NXPE2: variants seen among roughly 807,000 people sequenced by gnomAD.
NXPE2 encodes NXPE family member 2.
In NXPE2, 34 loss-of-function variants were observed where a neutral mutation model predicts 34.4. The ratio of observed to expected loss-of-function variants is 0.99; its 90% CI spans 0.75 to 1.31. The LOEUF (loss-of-function observed/expected upper bound fraction) is 1.31. Ranked by LOEUF, NXPE2 falls within the 40% of genes most tolerant of loss-of-function variation. The pLI is 0.00. For missense variants in NXPE2, 649 were observed against 672.5 expected, an observed-to-expected ratio of 0.97 and a Z score of 0.39; for synonymous variants, 235 against 231.3, an observed-to-expected ratio of 1.02 and a Z score of -0.15.
At chr11:114,610,679 G>A in the NXPE2 span, among the ~76,000 whole-genome samples, 19 of 151,560 alleles carry the variant, frequency 1.3e-4, no homozygotes, top group South Asian at 2.1e-4. Flanking sequence ...ATGTTGCCTC[G>A]TGGTTAACCA....
chr11:114,493,839 C>CT, the NXPE2 span, among the ~76,000 whole-genome samples: 4 of 151,834 alleles, frequency 2.6e-5, no homozygotes, highest in Admixed American at 6.6e-5. Context: ...CATTTACCCC[C>CT]TTTTTTTTCC....
chr11:114,521,846 C>T, the NXPE2 span: 4 of 758,246 alleles, frequency 5.3e-6, no homozygotes, highest in South Asian at 5.9e-5. Context: ...AGCCTTCCTC[C>T]CCAAACAGAT....
chr11:114,775,343 A>G, the NXPE2 span, among the ~76,000 whole-genome samples: 188 of 152,294 alleles, frequency 1.2e-3, 2 homozygotes, highest in African/African-American at 4.4e-3. Flanking sequence ...GGCCCTGAAT[A>G]GCTTTTGTTA....
chr11:114,618,031 C>T, the NXPE2 span, among the ~76,000 whole-genome samples: 238 of 152,174 alleles, frequency 1.6e-3, no homozygotes, highest in African/African-American at 4.2e-3. Context: ...TAAGTGTTGC[C>T]TCGTGGGTAA....
chr11:114,794,235 C>T, the NXPE2 span, among the ~76,000 whole-genome samples: 1 of 149,334 alleles, frequency 6.7e-6, no homozygotes, highest in African/African-American at 2.4e-5. Context: ...TCAGCAGTTA[C>T]CAAAAACTTT....
At position 114,698,788 on chromosome 11, in the gene NXPE2, CT is replaced by C; in HGVS notation, c.866+14del. On this transcript the variant is annotated intron_variant, in intron 3 of 5. Transcript: ENST00000389586. The stretch of plus-strand genomic sequence containing the variant: ...GGAGGCTTTTCCACAGGTAAAGAGG[CT>C]TTTAAATACAATAGCAGATAAAAAG... 6.7e-7 allele frequency: 1 copy of C among 1,497,492 alleles called. No homozygotes were observed. The highest frequency in any genetic ancestry group is 8.9e-7 in the Non-Finnish European group (1 of 1,126,114). 92.8% of individuals were successfully genotyped at this position (1,497,492 alleles called of 1,614,324 possible).
At chr11:114,663,638 A>ATCATCTATCTATCATCTC in the NXPE2 span, among the ~76,000 whole-genome samples, 1 of 7,772 alleles carries the variant, frequency 1.3e-4, no homozygotes, top group Admixed American at 2.4e-3. Context: ...TCTATCTATC[A>ATCATCTATCTATCATCTC]TCTATCCATC....
the NXPE2 span, among the ~76,000 whole-genome samples, chr11:114,621,720 T>C: frequency 6.6e-6 from 1 of 152,080 alleles, no homozygotes; most frequent in Non-Finnish European, 1.5e-5. Context: ...ATCATAATGA[T>C]TGCCCTGTGG....
chr11:114,666,064 G>A, the NXPE2 span, among the ~76,000 whole-genome samples: 1 of 151,960 alleles, frequency 6.6e-6, no homozygotes, highest in South Asian at 2.1e-4. Flanking sequence ...CAGTATTCAG[G>A]TTCATTTGGC....
the NXPE2 span, among the ~76,000 whole-genome samples, chr11:114,652,185 G>A: frequency 6.6e-6 from 1 of 152,182 alleles, no homozygotes; most frequent in Non-Finnish European, 1.5e-5. Context: ...GGAGAGAAGG[G>A]TCATACTGAG....
chr11:114,498,934 G>C, the NXPE2 span, among the ~76,000 whole-genome samples: 2 of 152,022 alleles, frequency 1.3e-5, no homozygotes, highest in Non-Finnish European at 2.9e-5. Context: ...CTTTTTCTCT[G>C]CTCTGGAACA....
chr11:114,732,186 A>T, the NXPE2 span, among the ~76,000 whole-genome samples: 1 of 152,232 alleles, frequency 6.6e-6, no homozygotes. Context: ...TATAATTCTA[A>T]TATAGGACAA....
At chr11:114,779,105 G>A in the NXPE2 span, among the ~76,000 whole-genome samples, 4 of 152,146 alleles carry the variant, frequency 2.6e-5, no homozygotes, top group African/African-American at 7.2e-5. Flanking sequence ...TAAGTTACAT[G>A]GCAATTTCCT....
At chr11:114,570,831 T>C in the NXPE2 span, 3 of 708,316 alleles carry the variant, frequency 4.2e-6, no homozygotes, top group South Asian at 4.2e-5. Context: ...GTAGATTCTC[T>C]GCTCTTGCTA....
the NXPE2 span, among the ~76,000 whole-genome samples, chr11:114,510,661 AG>A: frequency 6.6e-6 from 1 of 152,220 alleles, no homozygotes; most frequent in South Asian, 2.1e-4. Flanking sequence ...CATTGCCAAC[AG>A]GAATACATGA....
chr11:114,728,937 T>A, the NXPE2 span, among the ~76,000 whole-genome samples: 1 of 152,144 alleles, frequency 6.6e-6, no homozygotes, highest in Non-Finnish European at 1.5e-5. Flanking sequence ...TTTCCATTTT[T>A]ATTTTAGATT....
chr11:114,540,526 G>A, the NXPE2 span, among the ~76,000 whole-genome samples: 1 of 152,134 alleles, frequency 6.6e-6, no homozygotes, highest in Non-Finnish European at 1.5e-5. Context: ...AGTATGGAAT[G>A]GGTGCGTATG....
chr11:114,634,909 C>G, the NXPE2 span, among the ~76,000 whole-genome samples: 2 of 151,954 alleles, frequency 1.3e-5, no homozygotes, highest in East Asian at 3.9e-4. Context: ...ATGCCTCCAG[C>G]TTTGTTCTTT....
chr11:114,607,742 C>T, the NXPE2 span, among the ~76,000 whole-genome samples: 10 of 151,998 alleles, frequency 6.6e-5, no homozygotes, highest in South Asian at 2.1e-3. Flanking sequence ...CCACAGTTGC[C>T]CGGTGGATAA....
Sources: gnomAD v4.1 joint callset for allele counts (sites outside exome capture counted in the v4.1 genomes callset) on GRCh38, gnomAD v4.1.1 for gene constraint, MANE v1.5 for transcripts, NCBI Gene and HGNC (gene_info 2026-07-23, HGNC 2026-07-21) for gene names.